Variants in WNK2 observed in about 807,000 individuals in gnomAD.
WNK2 encodes the protein WNK lysine deficient protein kinase 2.
A neutral mutation model predicts 192.1 loss-of-function variants in WNK2; 67 were observed. The observed-to-expected ratio is 0.35, with a 90% CI of 0.29 to 0.43. The LOEUF (loss-of-function observed/expected upper bound fraction) is 0.43, where lower values mean the gene tolerates loss of function less well. Among genes scored for constraint, WNK2 ranks in the 20% least tolerant of loss-of-function variants. WNK2 has a pLI of 1.00. For missense variants in WNK2, 2,698 were observed against 3,089.7 expected, an observed-to-expected ratio of 0.87 and a Z score of 3.01; for synonymous variants, 1,439 against 1,393.9, an observed-to-expected ratio of 1.03 and a Z score of -0.72.
rs1846638213 is a variant in WNK2 at position 93,275,168 on chromosome 9, C to G, written c.4033+6422C>G. The stretch of plus-strand genomic sequence containing the variant: ...AGAAGGAAGAAACATATGATCATAA[C>G]AGTTGACACAGCAGAATCAGTTGAC... On this transcript the variant is annotated intron_variant, in intron 19 of 29. Coordinates refer to ENST00000427277, the MANE Select transcript of WNK2 (RefSeq NM_006648.4). Among the ~76,000 whole-genome samples the G allele has an allele frequency of 3.3e-5, 5 of 152,198 alleles. 1 individual carries two copies. The South Asian group carries it at 1.0e-3, about 31-fold the overall frequency.
At chr9:93,263,422 T>G in intron 14 of WNK2, 144 bp from the exon 15 acceptor site, 4 of 896,126 alleles carry the variant, frequency 4.5e-6, no homozygotes. Flanking sequence ...AGGCTTGGGG[T>G]ATTCGCACAG....
At chr9:93,240,019 C>A in intron 7 of WNK2, 43 bp downstream of exon 7, 1 of 1,569,072 alleles carries the variant, frequency 6.4e-7, no homozygotes. Context: ...CAGGTGTTGG[C>A]AGCTCGTGGT....
rs140851312 is a variant in WNK2, at chr9:93,203,137, G to A, written c.681+17527G>A. 3.8e-3 allele frequency among the ~76,000 whole-genome samples: 575 copies of A among 152,166 alleles called. 3 individuals are homozygous for A. Among genetic ancestry groups the A allele is most frequent in the African/African-American group, 0.013 (559 of 41,524 alleles). ...GCCCAGAGCTTTTCGGGGGGCGCTGGGAAGGTCCTTCCTGGGGGCTGCAAG... is the reference window on the plus strand; with the variant it reads ...GCCCAGAGCTTTTCGGGGGGCGCTGAGAAGGTCCTTCCTGGGGGCTGCAAG... On this transcript the variant is annotated intron_variant, in intron 2 of 29. Transcript: ENST00000427277.
At chr9:93,189,832 GA>G (rs1269070354) in intron 2 of WNK2, among the ~76,000 whole-genome samples, 6 of 152,218 alleles carry the variant, frequency 3.9e-5, no homozygotes, top group African/African-American at 1.4e-4. Flanking sequence ...GCTTTGCCCC[GA>G]TGGCCTCTCG....
rs571316092 is a variant in WNK2, at chr9:93,295,178, G to A, written c.5708+2005G>A. Among the ~76,000 whole-genome samples the A allele has an allele frequency of 9.8e-5, 15 of 152,286 alleles. No individual in the cohort carries two copies. In the South Asian group the frequency reaches 1.2e-3, roughly 13 times the overall value. ...AGTGGTCCAGGGCACCCCCTGTGTC[G>A]GAGCCACATTGCAGTCTGGGACCGC... On this transcript the variant is annotated intron_variant, in intron 23 of 29. Coordinates refer to ENST00000427277, the MANE Select transcript of WNK2 (RefSeq NM_006648.4).
intron 2 of WNK2, among the ~76,000 whole-genome samples, chr9:93,195,166 T>TGTACA (rs1323067553): frequency 2.0e-5 from 3 of 152,172 alleles, no homozygotes; most frequent in African/African-American, 7.2e-5. Flanking sequence ...ACCCATAGCA[T>TGTACA]GTACAGCACC....
At chr9:93,312,603 C>G (rs1214454041) in intron 28 of WNK2, among the ~76,000 whole-genome samples, 5 of 152,122 alleles carry the variant, frequency 3.3e-5, no homozygotes, top group African/African-American at 1.2e-4. Flanking sequence ...TGGTCTCGAT[C>G]CCTTGACCTC....
At chr9:93,207,716 G>C (rs1280616399) in intron 2 of WNK2, among the ~76,000 whole-genome samples, 1 of 152,250 alleles carries the variant, frequency 6.6e-6, no homozygotes, top group African/African-American at 2.4e-5. Flanking sequence ...CCTAAGTCAC[G>C]GGCCAGGATT....
intron 8 of WNK2, among the ~76,000 whole-genome samples, chr9:93,249,527 G>A (rs1469942169): frequency 1.3e-5 from 2 of 152,182 alleles, no homozygotes; most frequent in African/African-American, 4.8e-5. Context: ...AGGCTGGAGT[G>A]CAGTGGCGCG....
Position 93,256,980 on chromosome 9 carries a change from G to A in WNK2, c.2223G>A (p.Pro741=), listed in dbSNP as rs1168467499. The stretch of plus-strand genomic sequence containing the variant: ...CGCTGGCCCAGCCGACACCCCTGCC[G>A]CAGGTCCTGGCCCCACAGCCCGTGG... ...PPPLAQPTPL[P]QVLAPQPVVP... The change falls in exon 11 of 30, where the codon CCG becomes CCA. Residue 741 remains proline (P), a synonymous_variant. Coordinates refer to ENST00000427277, the MANE Select transcript of WNK2 (RefSeq NM_006648.4). The A allele has an allele frequency of 1.4e-5, 22 of 1,589,592 alleles. No individual in the cohort carries two copies. The highest frequency in any genetic ancestry group is 3.5e-5 in the Admixed American group (2 of 57,948).
At chr9:93,298,363 C>T (rs1009673673) in intron 24 of WNK2, among the ~76,000 whole-genome samples, 2 of 152,240 alleles carry the variant, frequency 1.3e-5, no homozygotes, top group Non-Finnish European at 2.9e-5. Flanking sequence ...CCCTCCCTCA[C>T]CTGCTCCTCT....
In WNK2 at chr9:93,185,262, C is replaced by T. The variant is rs1347532620; in HGVS notation, c.333C>T (p.Pro111=). Residue 111 remains proline (P), a synonymous_variant, in exon 2 of 30, where the codon CCC becomes CCT. Transcript: ENST00000427277. ...LVAQPGAPGA[P]ADAGPEPVGT... is the part of the protein sequence containing the mutation. ...CGCAGCCGGGAGCCCCCGGAGCCCC[C>T]GCGGACGCCGGCCCCGAGCCCGTGG... is the stretch of plus-strand genomic sequence containing the variant. 7.8e-7 allele frequency: 1 copy of T among 1,278,040 alleles called. No individual in the cohort carries two copies. The allele number at this position is 1,278,040 out of a possible 1,614,324, so 79.2% of individuals were successfully genotyped here. A position where few individuals can be genotyped will look rare whatever the true frequency, so the allele number is the denominator to read the frequency against.
intron 29 of WNK2, 150 bp from the exon 30 acceptor site, chr9:93,320,217 G>A (rs1044258330): frequency 1.4e-5 from 11 of 777,984 alleles, no homozygotes; most frequent in Non-Finnish European, 2.1e-5. Flanking sequence ...GCTGTGCTGA[G>A]GACAAGACCA....
At chr9:93,316,442 T>G (rs1854678246) in intron 28 of WNK2, 1 of 152,206 alleles carries the variant, frequency 6.6e-6, no homozygotes, top group South Asian at 2.1e-4. Flanking sequence ...TCTTTTTTGT[T>G]TCTCTGCAGT....
chr9:93,307,002 G>C (rs143657938), intron 27 of WNK2, 181 bp downstream of exon 27: 49 of 717,098 alleles, frequency 6.8e-5, no homozygotes, highest in Non-Finnish European at 1.0e-4. Flanking sequence ...CGCTGTCCTC[G>C]GCTCCCCCGT....
intron 19 of WNK2, among the ~76,000 whole-genome samples, chr9:93,286,296 G>A (rs910396728): frequency 6.6e-6 from 1 of 152,180 alleles, no homozygotes; most frequent in African/African-American, 2.4e-5. Flanking sequence ...CCAGCATCAT[G>A]AAGAACCACA....
intron 2 of WNK2, among the ~76,000 whole-genome samples, chr9:93,205,229 A>G (rs2131353791): frequency 6.6e-6 from 1 of 152,268 alleles, no homozygotes; most frequent in African/African-American, 2.4e-5. Context: ...GGGACTGTGC[A>G]CTTTGGTAGC....
At chr9:93,319,356 G>A in intron 29 of WNK2, 1 of 1,377,568 alleles carries the variant, frequency 7.3e-7, no homozygotes, top group Non-Finnish European at 9.4e-7. Flanking sequence ...TGCGGGTGCT[G>A]GGCTGGGCTG....
At chr9:93,278,663 C>A (rs1160775002) in intron 19 of WNK2, among the ~76,000 whole-genome samples, 7 of 152,146 alleles carry the variant, frequency 4.6e-5, no homozygotes, top group Admixed American at 2.6e-4. Flanking sequence ...ATCCAGCACC[C>A]AATATGTTAA....
Sources: allele counts gnomAD v4.1 joint callset (sites outside exome capture counted in the v4.1 genomes callset), GRCh38; gene constraint gnomAD v4.1.1; transcripts MANE v1.5; gene names NCBI Gene and HGNC (gene_info 2026-07-23, HGNC 2026-07-21).